PCDHA3: variants seen among roughly 807,000 people sequenced by gnomAD.
PCDHA3 encodes protocadherin alpha-3.
PCDHA3 carries 41 observed loss-of-function variants against 62.2 expected under a neutral mutation model. That is an observed-to-expected ratio of 0.66 (90% CI 0.51 to 0.86). PCDHA3 has a LOEUF of 0.86. Ranked by LOEUF, PCDHA3 falls within the 40% of genes least tolerant of loss-of-function variation. The probability of loss-of-function intolerance (pLI) is 0.00; values close to 1 mark genes in which losing one functional copy is unlikely to be tolerated. For synonymous variants in PCDHA3, 640 were observed against 555.4 expected (o/e 1.15, Z -2.14); for missense variants, 1,304 against 1,241.2 (o/e 1.05, Z -0.76).
intron 1 of PCDHA3, chr5:140,870,671 A>C (rs782353440): frequency 1.2e-6 from 2 of 1,612,606 alleles, no homozygotes; most frequent in East Asian, 2.2e-5. Flanking sequence ...CAGCCGTTGG[A>C]CCACGAGGAG....
intron 1 of PCDHA3, chr5:140,870,490 G>T: frequency 1.2e-6 from 2 of 1,614,234 alleles, no homozygotes; most frequent in Non-Finnish European, 8.5e-7. Flanking sequence ...CACCGTGTTC[G>T]TGAAGGAGAA....
chr5:140,955,641 A>G (rs173471), intron 1 of PCDHA3, among the ~76,000 whole-genome samples: 85,644 of 151,978 alleles, frequency 0.56, 24,753 homozygotes, highest in African/African-American at 0.69. Flanking sequence ...TGTGAGAACA[A>G]ATTAATACAC....
intron 1 of PCDHA3, chr5:140,855,790 T>G: frequency 2.3e-6 from 1 of 441,252 alleles, no homozygotes; most frequent in East Asian, 3.4e-5. Context: ...AAAAAAGAAT[T>G]AACATATGAA....
intron 1 of PCDHA3, chr5:140,967,039 G>GCTGGAC (rs1192512561): frequency 1.2e-6 from 2 of 1,611,626 alleles, no homozygotes; most frequent in Non-Finnish European, 1.7e-6. Flanking sequence ...GCTACCTGGA[G>GCTGGAC]CTGGACCTGA....
chr5:140,872,265 T>G (rs2053570965), intron 1 of PCDHA3, among the ~76,000 whole-genome samples: 1 of 152,164 alleles, frequency 6.6e-6, no homozygotes, highest in South Asian at 2.1e-4. Context: ...TGTTTTCATA[T>G]TGTTTGAAGA....
At chr5:140,924,839 G>A (rs1049952478) in intron 1 of PCDHA3, among the ~76,000 whole-genome samples, 3 of 150,922 alleles carry the variant, frequency 2.0e-5, no homozygotes, top group Non-Finnish European at 4.4e-5. Context: ...AGGTTGCAGG[G>A]AGCTCAGATC....
intron 1 of PCDHA3, chr5:140,807,237 T>A (rs781879266): frequency 1.9e-6 from 3 of 1,614,194 alleles, no homozygotes; most frequent in Non-Finnish European, 2.5e-6. Flanking sequence ...CTGCTGCTCT[T>A]ACTTCTTCTC....
intron 1 of PCDHA3, chr5:140,848,788 G>T: frequency 6.3e-7 from 1 of 1,593,178 alleles, no homozygotes; most frequent in Non-Finnish European, 8.6e-7. Flanking sequence ...CTGTGCGGGC[G>T]GAGCGCGGAG....
chr5:140,863,062 G>C (rs62384481), intron 1 of PCDHA3: 2 of 565,590 alleles, frequency 3.5e-6, no homozygotes, highest in African/African-American at 3.8e-5. Flanking sequence ...CCCGTTCCAC[G>C]TGGGGCTCTG....
intron 1 of PCDHA3, among the ~76,000 whole-genome samples, chr5:140,888,659 C>A (rs1373585694): frequency 6.6e-6 from 1 of 152,198 alleles, no homozygotes; most frequent in Non-Finnish European, 1.5e-5. Context: ...AGGACACCAC[C>A]TAATGCCCTG....
chr5:140,912,860 G>A (rs1554195574), intron 1 of PCDHA3, among the ~76,000 whole-genome samples: 1 of 152,182 alleles, frequency 6.6e-6, no homozygotes, highest in African/African-American at 2.4e-5. Flanking sequence ...CAATTGAAAT[G>A]ATATATGGTT....
chr5:140,929,613 C>G (rs1485250435), intron 1 of PCDHA3: 2 of 406,044 alleles, frequency 4.9e-6, no homozygotes, highest in Admixed American at 8.8e-5. Flanking sequence ...AATAAAATAC[C>G]AAAATATTTT....
At chr5:140,842,787 T>C (rs1554139371) in intron 1 of PCDHA3, 1 of 1,594,358 alleles carries the variant, frequency 6.3e-7, no homozygotes, top group Non-Finnish European at 8.6e-7. Context: ...GAGAACGCGC[T>C]GGTGTCCTAC....
intron 1 of PCDHA3, chr5:140,863,859 G>A (rs1448688968): frequency 1.7e-5 from 3 of 176,552 alleles, no homozygotes; most frequent in African/African-American, 4.8e-5. Flanking sequence ...AAATTAGCTG[G>A]GTGTGGTGGT....
At chr5:140,908,348 T>C (rs977122453) in intron 1 of PCDHA3, among the ~76,000 whole-genome samples, 43 of 152,160 alleles carry the variant, frequency 2.8e-4, no homozygotes, top group Non-Finnish European at 5.3e-4. Flanking sequence ...CACTACCTCA[T>C]GTAACTTACT....
chr5:140,904,177 AC>A (rs1185990725), intron 1 of PCDHA3, among the ~76,000 whole-genome samples: 1 of 151,302 alleles, frequency 6.6e-6, no homozygotes, highest in Non-Finnish European at 1.5e-5. Flanking sequence ...TTTATTCCTC[AC>A]CCCCTTCCCA....
intron 1 of PCDHA3, chr5:140,875,350 T>G (rs1465566736): frequency 6.9e-7 from 1 of 1,444,966 alleles, no homozygotes; most frequent in African/African-American, 1.4e-5. Flanking sequence ...CCATAATGAC[T>G]GTGATGCTGG....
chr5:140,920,923 G>T (rs1229531762), intron 1 of PCDHA3, among the ~76,000 whole-genome samples: 1 of 151,200 alleles, frequency 6.6e-6, no homozygotes, highest in Non-Finnish European at 1.5e-5. Flanking sequence ...TCCAAGAGTA[G>T]GTGATCTAGC....
intron 1 of PCDHA3, among the ~76,000 whole-genome samples, chr5:140,944,593 TG>T: frequency 6.6e-6 from 1 of 152,318 alleles, no homozygotes; most frequent in South Asian, 2.1e-4. Flanking sequence ...AGAATTTCCC[TG>T]GGTAGAGTAG....
Sources: allele counts gnomAD v4.1 joint callset (sites outside exome capture counted in the v4.1 genomes callset), GRCh38; gene constraint gnomAD v4.1.1; transcripts MANE v1.5; gene names NCBI Gene and HGNC (gene_info 2026-07-23, HGNC 2026-07-21).